PTPRD: variants seen among roughly 807,000 people sequenced by gnomAD.
PTPRD encodes the protein receptor-type tyrosine-protein phosphatase delta.
In PTPRD, 34 loss-of-function variants were observed where a neutral mutation model predicts 214.5. The observed-to-expected ratio is 0.16, with a 90% CI of 0.12 to 0.21. The LOEUF is 0.21. Ranked by LOEUF, PTPRD falls within the 10% of genes least tolerant of loss-of-function variation. The pLI, the probability that PTPRD is intolerant of heterozygous loss-of-function variation, is 1.00. For missense variants in PTPRD, 2,545 were observed against 2,398.7 expected (o/e 1.06, Z -1.27); for synonymous variants, 1,128 against 845.7 (o/e 1.33, Z -5.79).
intron 2 of PTPRD, among the ~76,000 whole-genome samples, chr9:10,375,307 G>C (rs572066313): frequency 3.9e-4 from 59 of 151,974 alleles, no homozygotes; most frequent in African/African-American, 1.4e-3. Flanking sequence ...TGCAGAACTG[G>C]ATCTATTTTA....
At position 8,404,518 on chromosome 9, in the gene PTPRD, G is replaced by A. The variant is rs201338080; in HGVS notation, c.4210+19C>T. The stretch of plus-strand genomic sequence containing the variant: ...AATCCATGAAAATAAAGGTATCAGT[G>A]ATGTCTGCATTTCCTTACCTTCTAT... On this transcript the variant is annotated intron_variant, in intron 36 of 45. Transcript: ENST00000381196. 6 of 1,601,620 alleles carry A rather than the reference G, an allele frequency of 3.7e-6. No individual in the cohort carries two copies. In the East Asian group the frequency reaches 1.3e-4, roughly 36 times the overall value.
At chr9:10,490,531 T>G (rs1324670485) in intron 2 of PTPRD, among the ~76,000 whole-genome samples, 1 of 152,222 alleles carries the variant, frequency 6.6e-6, no homozygotes, top group Non-Finnish European at 1.5e-5. Flanking sequence ...ATAAAGTCCC[T>G]GGATTAATTC....
intron 2 of PTPRD, among the ~76,000 whole-genome samples, chr9:10,540,293 G>A (rs111804453): frequency 0.021 from 3,221 of 152,304 alleles, 50 homozygotes; most frequent in South Asian, 0.067. Flanking sequence ...CTCCCAGAGT[G>A]CTGGGATTGC....
At chr9:9,353,511 A>G (rs1360063002) in intron 9 of PTPRD, among the ~76,000 whole-genome samples, 1 of 151,782 alleles carries the variant, frequency 6.6e-6, no homozygotes, top group East Asian at 2.0e-4. Flanking sequence ...TATATATTGC[A>G]ATCTTGAGTG....
intron 2 of PTPRD, among the ~76,000 whole-genome samples, chr9:10,526,349 C>T (rs1025140087): frequency 3.3e-5 from 5 of 151,942 alleles, no homozygotes; most frequent in African/African-American, 1.2e-4. Flanking sequence ...TAAAGTGTGG[C>T]TATATCATTG....
chr9:10,409,555 C>T (rs7855950), intron 2 of PTPRD, among the ~76,000 whole-genome samples: 127,772 of 151,676 alleles, frequency 0.84, 53,948 homozygotes, highest in East Asian at 0.88. Context: ...TATCTCCTAC[C>T]TTTCTAGGAC....
At chr9:9,185,047 A>T (rs571362153) in intron 9 of PTPRD, among the ~76,000 whole-genome samples, 1 of 152,142 alleles carries the variant, frequency 6.6e-6, no homozygotes, top group Non-Finnish European at 1.5e-5. Context: ...TTTAGGTAAG[A>T]CGCTGAGAGC....
At chr9:9,183,713 C>T (rs1372299680) in intron 9 of PTPRD, among the ~76,000 whole-genome samples, 1 of 151,988 alleles carries the variant, frequency 6.6e-6, no homozygotes, top group Admixed American at 6.6e-5. Context: ...TGGTTTGTTG[C>T]ATCCTACAAT....
At chr9:9,883,220 G>C (rs1447637767) in intron 5 of PTPRD, among the ~76,000 whole-genome samples, 1 of 151,980 alleles carries the variant, frequency 6.6e-6, no homozygotes. Context: ...AAGAAAGATA[G>C]GCCCCAGATA....
chr9:10,562,651 T>A (rs952222794), intron 2 of PTPRD, among the ~76,000 whole-genome samples: 16 of 152,274 alleles, frequency 1.1e-4, no homozygotes, highest in African/African-American at 3.8e-4. Context: ...CATATATTTA[T>A]AGAAAACTGT....
At chr9:8,911,438 T>A (rs989010164) in intron 11 of PTPRD, among the ~76,000 whole-genome samples, 2 of 151,448 alleles carry the variant, frequency 1.3e-5, no homozygotes, top group African/African-American at 4.9e-5. Flanking sequence ...TGTGTGTGTG[T>A]GTGAGAGAGA....
intron 8 of PTPRD, among the ~76,000 whole-genome samples, chr9:9,510,830 T>G (rs2096686497): frequency 6.6e-6 from 1 of 151,676 alleles, no homozygotes; most frequent in Admixed American, 6.6e-5. Context: ...CAACCTTAAA[T>G]GCCTTAAAAT....
intron 35 of PTPRD, among the ~76,000 whole-genome samples, chr9:8,429,176 C>T (rs918145161): frequency 6.6e-6 from 1 of 152,116 alleles, no homozygotes; most frequent in Non-Finnish European, 1.5e-5. Flanking sequence ...ACTAAGGTTT[C>T]TGAACTCTAT....
At position 10,145,976 on chromosome 9, in the gene PTPRD, G is replaced by A. The variant is rs543169187; in HGVS notation, c.-544-112186C>T. Among the ~76,000 whole-genome samples the A allele has an allele frequency of 1.3e-4, 19 of 151,906 alleles. No individual in the cohort carries two copies. In the South Asian group the frequency reaches 3.3e-3, roughly 27 times the overall value. Reference sequence around the variant, plus strand: ...ACAGTTAATTAAGATAAATTGATATGTTCTAAAACTTCAATATCAAATATT... The same window carrying A: ...ACAGTTAATTAAGATAAATTGATATATTCTAAAACTTCAATATCAAATATT... On this transcript the variant is annotated intron_variant, in intron 3 of 45. Coordinates refer to ENST00000381196, the MANE Select transcript of PTPRD (RefSeq NM_002839.4).
intron 11 of PTPRD, among the ~76,000 whole-genome samples, chr9:8,817,426 A>G (rs1291828518): frequency 2.0e-5 from 3 of 152,158 alleles, no homozygotes; most frequent in Non-Finnish European, 4.4e-5. Flanking sequence ...CCCAGCCTGG[A>G]CAACATAGTG....
chr9:10,479,765 G>A (rs1000710374), intron 2 of PTPRD, among the ~76,000 whole-genome samples: 1 of 151,988 alleles, frequency 6.6e-6, no homozygotes, highest in Non-Finnish European at 1.5e-5. Context: ...AGGCTGCAGT[G>A]GGCCTTGATT....
At chr9:10,169,041 G>A (rs539880497) in intron 3 of PTPRD, among the ~76,000 whole-genome samples, 1 of 152,214 alleles carries the variant, frequency 6.6e-6, no homozygotes, top group African/African-American at 2.4e-5. Context: ...TCAGAAACCA[G>A]CTTGGTTCAA....
At chr9:8,774,901 G>C (rs12340244) in intron 11 of PTPRD, among the ~76,000 whole-genome samples, 101,351 of 151,830 alleles carry the variant, frequency 0.67, 34,100 homozygotes, top group Middle Eastern at 0.78. Context: ...TGATTACGAA[G>C]ATACTTCATT....
intron 11 of PTPRD, among the ~76,000 whole-genome samples, chr9:8,813,823 G>A (rs2096866419): frequency 6.6e-6 from 1 of 152,198 alleles, no homozygotes; most frequent in South Asian, 2.1e-4. Context: ...ATCACAGAAA[G>A]AATTGGCTTA....
Sources: gnomAD v4.1 joint callset for allele counts (sites outside exome capture counted in the v4.1 genomes callset) on GRCh38, gnomAD v4.1.1 for gene constraint, MANE v1.5 for transcripts, NCBI Gene and HGNC (gene_info 2026-07-23, HGNC 2026-07-21) for gene names.